The following NNMT variants were observed in gnomAD, a reference collection of about 807,000 sequenced individuals.
NNMT encodes nicotinamide N-methyltransferase.
In NNMT, 10 loss-of-function variants were observed where a neutral mutation model predicts 11.7. That is an observed-to-expected ratio of 0.85 (90% CI 0.53 to 1.45). NNMT has a LOEUF of 1.45. Ranked by LOEUF, NNMT falls within the 40% of genes most tolerant of loss-of-function variation. NNMT has a pLI of 0.00. For synonymous variants in NNMT, 143 were observed against 133.8 expected, an observed-to-expected ratio of 1.07 and a Z score of -0.48; for missense variants, 381 against 319.4, an observed-to-expected ratio of 1.19 and a Z score of -1.47.
At chr11:114,283,067 C>T (rs1945273244) in intron 2 of NNMT, among the ~76,000 whole-genome samples, 1 of 152,152 alleles carries the variant, frequency 6.6e-6, no homozygotes, top group Non-Finnish European at 1.5e-5. Context: ...TCATGCACTG[C>T]TGATGGGGGT....
At position 114,291,124 on chromosome 11, in the gene NNMT, T is replaced by C. The variant is rs76605326; in HGVS notation, c.-129-5304T>C. 3.8e-3 allele frequency among the ~76,000 whole-genome samples: 584 copies of C among 152,330 alleles called. 6 individuals carry two copies. The highest frequency in any genetic ancestry group is 0.014 in the African/African-American group (564 of 41,574). ...AATGAGTTAATATGTGTAAAGCACA[T>C]ATAGAACAGTACTTGCACAAATAAG... On this transcript the variant is annotated intron_variant, in intron 2 of 4. Transcript: ENST00000535401.
upstream of NNMT, among the ~76,000 whole-genome samples, chr11:114,291,924 A>T (rs145329564): frequency 3.3e-5 from 5 of 152,260 alleles, no homozygotes; most frequent in East Asian, 9.6e-4. Context: ...CTGGATTCTG[A>T]TACAGTATTT....
At chr11:114,299,954 A>AAAACC (rs1945421853) in intron 2 of NNMT, among the ~76,000 whole-genome samples, 1 of 151,876 alleles carries the variant, frequency 6.6e-6, no homozygotes, top group African/African-American at 2.4e-5. Flanking sequence ...ATCTTTTCCA[A>AAAACC]AAACCAACTT....
At chr11:114,268,576 C>T (rs1318654376) in intron 2 of NNMT, among the ~76,000 whole-genome samples, 1 of 152,132 alleles carries the variant, frequency 6.6e-6, no homozygotes, top group Non-Finnish European at 1.5e-5. Flanking sequence ...CAAGACCATC[C>T]TGGCTAACAA....
At chr11:114,264,772 A>G (rs1213924778) in intron 2 of NNMT, among the ~76,000 whole-genome samples, 2 of 152,234 alleles carry the variant, frequency 1.3e-5, no homozygotes, top group Non-Finnish European at 2.9e-5. Flanking sequence ...AGAGTGGTTC[A>G]CTGAACTTAG....
intron 2 of NNMT, 81 bp from the exon 3 acceptor site, chr11:114,311,964 C>T (rs1945552691): frequency 4.2e-6 from 6 of 1,435,932 alleles, no homozygotes; most frequent in Non-Finnish European, 5.7e-6. Context: ...GACAATACGG[C>T]CATTTTTAGC....
At chr11:114,291,762 C>T (rs900210989), upstream of NNMT, among the ~76,000 whole-genome samples, 3 of 152,144 alleles carry the variant, frequency 2.0e-5, no homozygotes, top group African/African-American at 4.8e-5. Flanking sequence ...TCTGTCAGCC[C>T]AGTGAGTTTC....
chr11:114,291,244 C>T (rs1591833623), intron 2 of NNMT, among the ~76,000 whole-genome samples: 1 of 152,192 alleles, frequency 6.6e-6, no homozygotes, highest in East Asian at 1.9e-4. Flanking sequence ...CCCTTCTGTA[C>T]TCTGTGGTGT....
chr11:114,280,137 G>A (rs1945248769), intron 2 of NNMT, among the ~76,000 whole-genome samples: 1 of 151,912 alleles, frequency 6.6e-6, no homozygotes. Flanking sequence ...GACAGGGAGG[G>A]CCCTGCTCTC....
chr11:114,309,270 T>A (rs1395476061), intron 2 of NNMT, among the ~76,000 whole-genome samples: 1 of 152,222 alleles, frequency 6.6e-6, no homozygotes, highest in Admixed American at 6.5e-5. Flanking sequence ...TTTTTGTTGT[T>A]ATTCTTAAAG....
At chr11:114,284,990 A>G (rs919982104) in intron 2 of NNMT, among the ~76,000 whole-genome samples, 2 of 149,156 alleles carry the variant, frequency 1.3e-5, no homozygotes, top group Admixed American at 1.3e-4. Context: ...CTGGTCTTGA[A>G]CTCCTGATCC....
chr11:114,280,933 G>A (rs1945256917), intron 2 of NNMT, among the ~76,000 whole-genome samples: 1 of 152,186 alleles, frequency 6.6e-6, no homozygotes, highest in Admixed American at 6.5e-5. Flanking sequence ...GAACCAGGAA[G>A]AGGAAGGCCG....
chr11:114,276,423 T>C (rs1398755700), intron 2 of NNMT, among the ~76,000 whole-genome samples: 2 of 152,044 alleles, frequency 1.3e-5, no homozygotes, highest in East Asian at 3.9e-4. Flanking sequence ...GAGCTAGGAG[T>C]GCACAGGGGC....
In NNMT at chr11:114,299,632, G is replaced by A. The variant is rs1372106838; in HGVS notation, c.362+1474G>A. Among the ~76,000 whole-genome samples, 5 of 152,138 alleles carry A rather than the reference G, an allele frequency of 3.3e-5. No individual in the cohort carries two copies. In the South Asian group the frequency reaches 6.2e-4, roughly 19 times the overall value. On this transcript the variant is annotated intron_variant, in intron 2 of 2. Transcript: ENST00000299964. ...TAAATGATTGATAGCATTTACCAGCGAAGCCAGGTGAATCTGAAATTTTTG... is the reference window on the plus strand; with the variant it reads ...TAAATGATTGATAGCATTTACCAGCAAAGCCAGGTGAATCTGAAATTTTTG...
intron 2 of NNMT, among the ~76,000 whole-genome samples, chr11:114,280,626 G>A (rs1945252897): frequency 6.6e-6 from 1 of 152,136 alleles, no homozygotes; most frequent in Admixed American, 6.5e-5. Context: ...GGGGTGGGTG[G>A]TCCATTCTTG....
At chr11:114,283,520 G>A (rs918973026) in intron 2 of NNMT, among the ~76,000 whole-genome samples, 3 of 152,142 alleles carry the variant, frequency 2.0e-5, no homozygotes, top group African/African-American at 7.2e-5. Context: ...TAAAAGGGGA[G>A]GAAGAAAATA....
At position 114,296,586 on chromosome 11, in the gene NNMT, C is replaced by A; in HGVS notation, c.30C>A (p.Thr10=). Residue 10 remains threonine, a synonymous_variant, in exon 1 of 3, where the codon ACC becomes ACA. Coordinates refer to ENST00000299964, the MANE Select transcript of NNMT (RefSeq NM_006169.3). MESGFTSKD[T]YLSHFNPRDY... ...AATCAGGCTTCACCTCCAAGGACAC[C>A]TATCTAAGCCATTTTAACCCTCGGG... 6.2e-7 allele frequency: 1 copy of A among 1,614,086 alleles called. No individual in the cohort carries two copies. The highest frequency in any genetic ancestry group is 1.1e-5 in the South Asian group (1 of 91,082).
intron 2 of NNMT, among the ~76,000 whole-genome samples, chr11:114,266,260 T>C (rs182245619): frequency 6.6e-6 from 1 of 152,150 alleles, no homozygotes; most frequent in Non-Finnish European, 1.5e-5. Flanking sequence ...ATAGGCTTAG[T>C]ATATACTTGG....
At chr11:114,275,641 G>A (rs193009054) in intron 2 of NNMT, among the ~76,000 whole-genome samples, 3 of 152,194 alleles carry the variant, frequency 2.0e-5, no homozygotes, top group Non-Finnish European at 4.4e-5. Flanking sequence ...GTATGGCTTG[G>A]GGTTAGGGTT....
Sources: gnomAD v4.1 joint callset for allele counts (sites outside exome capture counted in the v4.1 genomes callset) on GRCh38, gnomAD v4.1.1 for gene constraint, MANE v1.5 for transcripts, NCBI Gene and HGNC (gene_info 2026-07-23, HGNC 2026-07-21) for gene names.